SLIT2: variants seen among roughly 807,000 people sequenced by gnomAD.
The protein encoded by SLIT2 is slit guidance ligand 2.
Under a neutral mutation model 185.7 loss-of-function variants are expected in SLIT2, and 41 were observed. That is an observed-to-expected ratio of 0.22 (90% confidence interval 0.17 to 0.29). SLIT2 has a LOEUF of 0.29. Ranked by LOEUF, SLIT2 falls within the 10% of genes least tolerant of loss-of-function variation. SLIT2 has a pLI of 1.00. For synonymous variants in SLIT2, 693 were observed against 680.2 expected, an observed-to-expected ratio of 1.02 and a Z score of -0.29; for missense variants, 1,571 against 1,909.0, an observed-to-expected ratio of 0.82 and a Z score of 3.30.
intron 12 of SLIT2, among the ~76,000 whole-genome samples, chr4:20,522,797 A>C (rs1166931472): frequency 3.3e-5 from 5 of 152,140 alleles, no homozygotes; most frequent in African/African-American, 1.2e-4. Flanking sequence ...GTTGTAAAGT[A>C]TTCATTCAAC....
intron 3 of SLIT2, among the ~76,000 whole-genome samples, chr4:20,258,492 G>A (rs1315646547): frequency 6.6e-6 from 1 of 151,466 alleles, no homozygotes; most frequent in Non-Finnish European, 1.5e-5. Context: ...TATTTATTCT[G>A]GAAAAATAAT....
At position 20,415,931 on chromosome 4, in the gene SLIT2, A is replaced by C. The variant is rs76049328; in HGVS notation, c.396-51821A>C. ...TGTGAGCGGGGTCTTTGATTTATTA[A>C]ATTCTTATCCTCAGTTCCAAGAACA... On this transcript the variant is annotated intron_variant, in intron 4 of 36. Coordinates refer to ENST00000504154, the MANE Select transcript of SLIT2 (RefSeq NM_004787.4). Among the ~76,000 whole-genome samples, 415 of 152,268 alleles carry C rather than the reference A, an allele frequency of 2.7e-3. 11 individuals carry two copies. The East Asian group carries it at 0.068, about 25-fold the overall frequency.
At chr4:20,325,041 C>T (rs1719441203) in intron 4 of SLIT2, among the ~76,000 whole-genome samples, 1 of 151,844 alleles carries the variant, frequency 6.6e-6, no homozygotes, top group South Asian at 2.1e-4. Flanking sequence ...AGCTCCTCTT[C>T]CTCCTTCTCT....
At chr4:20,576,791 A>G (rs1726118319) in intron 29 of SLIT2, among the ~76,000 whole-genome samples, 2 of 152,224 alleles carry the variant, frequency 1.3e-5, no homozygotes, top group South Asian at 4.1e-4. Context: ...CATTGAGCCC[A>G]GAACAACAAT....
chr4:20,466,013 A>G (rs1012753427), intron 4 of SLIT2, among the ~76,000 whole-genome samples: 2 of 151,880 alleles, frequency 1.3e-5, no homozygotes, highest in African/African-American at 2.4e-5. Context: ...ATTAGAAAAC[A>G]TGGAATTGGC....
At chr4:20,477,571 T>G (rs753485979) in intron 5 of SLIT2, among the ~76,000 whole-genome samples, 11 of 152,126 alleles carry the variant, frequency 7.2e-5, no homozygotes, top group Non-Finnish European at 1.6e-4. Flanking sequence ...ACAAATTTAC[T>G]TGGACAGCAA....
At chr4:20,313,688 G>T (rs1718322657) in intron 4 of SLIT2, among the ~76,000 whole-genome samples, 2 of 152,164 alleles carry the variant, frequency 1.3e-5, no homozygotes, top group Non-Finnish European at 2.9e-5. Flanking sequence ...ATGGGTGGGG[G>T]ATTGTTTTGG....
At position 20,484,022 on chromosome 4, in the gene SLIT2, T is replaced by C. The variant is rs1175455263; in HGVS notation, c.540-2178T>C. 1.3e-5 allele frequency among the ~76,000 whole-genome samples: 2 copies of C among 152,106 alleles called. No homozygotes were observed. The highest frequency in any genetic ancestry group is 2.4e-5 in the African/African-American group (1 of 41,456). ...CAGAATAAAATACTAAGATAATGTA[T>C]TCCTTTAGTTGCATTATGTGAACTA... On this transcript the variant is annotated intron_variant, in intron 6 of 36. Coordinates refer to ENST00000504154, the MANE Select transcript of SLIT2 (RefSeq NM_004787.4). This position sits in a 1 kb window ranked among gnomAD's most constrained non-coding sequence, Gnocchi z 4.3.
intron 4 of SLIT2, among the ~76,000 whole-genome samples, chr4:20,357,497 A>G (rs1344652309): frequency 1.3e-5 from 2 of 152,128 alleles, no homozygotes; most frequent in Non-Finnish European, 2.9e-5. Context: ...TCTGGAGTAT[A>G]AGATGGGGAT....
At chr4:20,473,771 G>C (rs1343510319) in intron 5 of SLIT2, among the ~76,000 whole-genome samples, 1 of 151,914 alleles carries the variant, frequency 6.6e-6, no homozygotes, top group African/African-American at 2.4e-5. Flanking sequence ...AATGATAAGA[G>C]AGCAAGGGTT....
At chr4:20,304,903 A>G (rs1407917481) in intron 4 of SLIT2, among the ~76,000 whole-genome samples, 2 of 152,240 alleles carry the variant, frequency 1.3e-5, no homozygotes, top group Admixed American at 1.3e-4. Flanking sequence ...GTATAACTTC[A>G]AAATGAATGG....
intron 26 of SLIT2, among the ~76,000 whole-genome samples, chr4:20,559,207 A>G (rs759754364): frequency 6.6e-6 from 1 of 152,050 alleles, no homozygotes; most frequent in Non-Finnish European, 1.5e-5. Context: ...TATCATTTCA[A>G]CTGTGGAAGT....
intron 4 of SLIT2, among the ~76,000 whole-genome samples, chr4:20,380,697 C>T (rs1228115205): frequency 4.6e-5 from 7 of 151,766 alleles, no homozygotes; most frequent in Non-Finnish European, 8.8e-5. Context: ...GACTTGAAGA[C>T]ATTACACTAG....
intron 4 of SLIT2, among the ~76,000 whole-genome samples, chr4:20,453,415 C>T (rs187725569): frequency 9.2e-5 from 14 of 152,140 alleles, no homozygotes; most frequent in Admixed American, 9.2e-4. Flanking sequence ...TAATGCATCT[C>T]CCAAAACGTT....
intron 4 of SLIT2, among the ~76,000 whole-genome samples, chr4:20,400,351 T>C (rs1726248525): frequency 6.6e-6 from 1 of 151,396 alleles, no homozygotes; most frequent in South Asian, 2.1e-4. Context: ...GCCATAGAAA[T>C]GAAGAAAAGA....
chr4:20,434,547 A>T (rs912577286), intron 4 of SLIT2, among the ~76,000 whole-genome samples: 7 of 152,164 alleles, frequency 4.6e-5, no homozygotes, highest in Admixed American at 2.0e-4. Flanking sequence ...TCTCAGGAAA[A>T]TTGCACTTCA....
intron 4 of SLIT2, among the ~76,000 whole-genome samples, chr4:20,461,405 A>G (rs113295907): frequency 2.0e-5 from 3 of 152,296 alleles, no homozygotes; most frequent in African/African-American, 7.2e-5. Flanking sequence ...ATAAAAATAG[A>G]TAAGGTCAAA....
intron 4 of SLIT2, among the ~76,000 whole-genome samples, chr4:20,274,239 A>G (rs922203514): frequency 2.0e-5 from 3 of 152,204 alleles, no homozygotes; most frequent in African/African-American, 4.8e-5. Flanking sequence ...CTTCATTACT[A>G]AGGTAACTTT....
intron 34 of SLIT2, among the ~76,000 whole-genome samples, chr4:20,610,758 A>C (rs867867479): frequency 9.2e-5 from 14 of 152,250 alleles, no homozygotes; most frequent in African/African-American, 3.1e-4. Context: ...AATAACAATA[A>C]ATAGTTCTGT....
Sources: gnomAD v4.1 joint callset for allele counts (sites outside exome capture counted in the v4.1 genomes callset) on GRCh38, gnomAD v4.1.1 for gene constraint, Gnocchi (gnomAD v3.1) non-coding constraint, MANE v1.5 for transcripts, NCBI Gene and HGNC (gene_info 2026-07-23, HGNC 2026-07-21) for gene names.